Variants in RASEF observed in about 807,000 individuals in gnomAD.
RASEF encodes RAS and EF-hand domain containing, also known as ras and EF-hand domain-containing protein.
A neutral mutation model predicts 90.1 loss-of-function variants in RASEF; 68 were observed. That is an observed-to-expected ratio of 0.75 (90% CI 0.62 to 0.92). The LOEUF is 0.92. RASEF is among the 40% of genes least tolerant of loss of function. The pLI, the probability that RASEF is intolerant of heterozygous loss-of-function variation, is 0.00. For synonymous variants in RASEF, 331 were observed against 345.2 expected (o/e 0.96, Z 0.46); for missense variants, 949 against 937.2 (o/e 1.01, Z -0.16).
chr9:83,064,379 G>A (rs1307499498), upstream of RASEF, among the ~76,000 whole-genome samples: 1 of 152,126 alleles, frequency 6.6e-6, no homozygotes, highest in Admixed American at 6.5e-5. Context: ...CAGTTGGACA[G>A]CTAATACAAT....
At chr9:83,104,683 C>G in the RASEF span, among the ~76,000 whole-genome samples, 25 of 152,238 alleles carry the variant, frequency 1.6e-4, no homozygotes, top group African/African-American at 5.3e-4. Context: ...TCATCTGACC[C>G]AATTATTCTG....
the RASEF span, among the ~76,000 whole-genome samples, chr9:83,174,849 T>C: frequency 2.0e-5 from 3 of 152,268 alleles, no homozygotes; most frequent in African/African-American, 7.2e-5. Flanking sequence ...TTGTTAACTT[T>C]ATTTCTAAGT....
chr9:83,000,680 T>C lies in RASEF; in HGVS notation c.1438-110A>G, dbSNP rs979699042. 5.8e-6 allele frequency: 6 copies of C among 1,025,896 alleles called. No homozygotes were observed. In the African/African-American group the frequency reaches 9.7e-5, roughly 17 times the overall value. The allele number at this position is 1,025,896 out of a possible 1,614,324, so 63.5% of individuals were successfully genotyped here. A position where few individuals can be genotyped will look rare whatever the true frequency, so the allele number is the denominator to read the frequency against. ...AAAAGAAGAAAACTATGCAGCTAAA[T>C]CAACAGTCAATGCTATTAATATTAG... On this transcript the variant is annotated intron_variant, in intron 10 of 16. Transcript: ENST00000376447.
intron 10 of RASEF, among the ~76,000 whole-genome samples, 162 bp downstream of exon 10, chr9:83,000,734 A>G (rs1353976538): frequency 6.6e-6 from 1 of 152,246 alleles, no homozygotes; most frequent in Non-Finnish European, 1.5e-5. Context: ...ATGGCAATCT[A>G]TGAGAATTTC....
At chr9:83,147,300 T>G in the RASEF span, among the ~76,000 whole-genome samples, 1 of 152,106 alleles carries the variant, frequency 6.6e-6, no homozygotes. Context: ...CAAACAACTC[T>G]TGGTAAATTT....
At chr9:83,195,085 T>C in the RASEF span, among the ~76,000 whole-genome samples, 1 of 152,216 alleles carries the variant, frequency 6.6e-6, no homozygotes, top group Admixed American at 6.5e-5. Flanking sequence ...TTGGCCTTCC[T>C]CTGGAGCATG....
At chr9:83,066,944 T>C (rs891739742), upstream of RASEF, among the ~76,000 whole-genome samples, 1 of 152,194 alleles carries the variant, frequency 6.6e-6, no homozygotes, top group African/African-American at 2.4e-5. Flanking sequence ...GGAGACCTCG[T>C]GTTAGACAGT....
the RASEF span, among the ~76,000 whole-genome samples, chr9:83,093,224 C>T: frequency 6.6e-6 from 1 of 152,198 alleles, no homozygotes; most frequent in South Asian, 2.1e-4. Flanking sequence ...CTCAGGAGGC[C>T]AGCTGGCTTC....
At chr9:83,114,173 A>C in the RASEF span, among the ~76,000 whole-genome samples, 1 of 152,302 alleles carries the variant, frequency 6.6e-6, no homozygotes, top group African/African-American at 2.4e-5. Flanking sequence ...GACATTTATT[A>C]GTTCCCCAAA....
the RASEF span, among the ~76,000 whole-genome samples, chr9:83,075,112 G>A: frequency 6.6e-6 from 1 of 152,134 alleles, no homozygotes; most frequent in Non-Finnish European, 1.5e-5. Context: ...TTTTGCCTTT[G>A]TGAAGTATTG....
chr9:83,003,422 T>G (rs538666630), intron 9 of RASEF, among the ~76,000 whole-genome samples: 1 of 152,232 alleles, frequency 6.6e-6, no homozygotes. Context: ...AAATGAATCA[T>G]GGTGAAATTT....
the RASEF span, among the ~76,000 whole-genome samples, chr9:83,158,987 C>T: frequency 6.6e-6 from 1 of 151,488 alleles, no homozygotes; most frequent in East Asian, 2.0e-4. Flanking sequence ...GAGATCGAGA[C>T]CATCCTGGCT....
the RASEF span, among the ~76,000 whole-genome samples, chr9:83,154,244 G>A: frequency 2.0e-5 from 3 of 152,314 alleles, no homozygotes; most frequent in African/African-American, 4.8e-5. Flanking sequence ...CTGTCAGGAG[G>A]AAAGGACAGA....
chr9:83,113,102 C>A, the RASEF span, among the ~76,000 whole-genome samples: 1 of 151,934 alleles, frequency 6.6e-6, no homozygotes, highest in Non-Finnish European at 1.5e-5. Context: ...AGTCAGGGAC[C>A]CTGAACGGAG....
chr9:83,018,224 A>ATC (rs35852202), intron 3 of RASEF, among the ~76,000 whole-genome samples: 94,568 of 151,888 alleles, frequency 0.62, 30,448 homozygotes, highest in African/African-American at 0.79. Flanking sequence ...ATCCTAGAAA[A>ATC]TGACAAAATC....
At chr9:83,101,626 G>A in the RASEF span, among the ~76,000 whole-genome samples, 3 of 152,098 alleles carry the variant, frequency 2.0e-5, no homozygotes, top group Non-Finnish European at 4.4e-5. Context: ...AATTCTCTAG[G>A]CATGTTATCT....
chr9:83,045,247 C>G (rs1301945918), intron 1 of RASEF, among the ~76,000 whole-genome samples: 1 of 152,222 alleles, frequency 6.6e-6, no homozygotes, highest in Non-Finnish European at 1.5e-5. Flanking sequence ...CTAACTAATA[C>G]AAGTGTCTTA....
chr9:83,159,817 T>C, the RASEF span, among the ~76,000 whole-genome samples: 1 of 152,324 alleles, frequency 6.6e-6, no homozygotes, highest in African/African-American at 2.4e-5. Context: ...TGTAACTCCC[T>C]CGTTCCCATG....
At chr9:83,178,137 G>C in the RASEF span, among the ~76,000 whole-genome samples, 3 of 151,970 alleles carry the variant, frequency 2.0e-5, no homozygotes, top group African/African-American at 7.3e-5. Flanking sequence ...TGAGTTCTTC[G>C]AGTTGTTCAT....
Sources: gnomAD v4.1 joint callset for allele counts (sites outside exome capture counted in the v4.1 genomes callset) on GRCh38, gnomAD v4.1.1 for gene constraint, MANE v1.5 for transcripts, NCBI Gene and HGNC (gene_info 2026-07-23, HGNC 2026-07-21) for gene names.